The following LAMC3 variants were observed in gnomAD, a reference collection of about 807,000 sequenced individuals.
LAMC3 encodes the protein laminin subunit gamma 3, also known as laminin subunit gamma-3.
LAMC3 carries 128 observed loss-of-function variants against 173.8 expected under a neutral mutation model. That is an observed-to-expected ratio of 0.74 (90% CI 0.64 to 0.85). LAMC3 has a LOEUF of 0.85. Among genes scored for constraint, LAMC3 ranks in the 40% least tolerant of loss-of-function variants. LAMC3 has a pLI of 0.00. For synonymous variants in LAMC3, 897 were observed against 909.1 expected, an observed-to-expected ratio of 0.99 and a Z score of 0.24; for missense variants, 2,022 against 2,156.0, an observed-to-expected ratio of 0.94 and a Z score of 1.23.
chr9:131,017,285 A>G (rs2133209885), intron 1 of LAMC3, among the ~76,000 whole-genome samples: 1 of 152,308 alleles, frequency 6.6e-6, no homozygotes, highest in African/African-American at 2.4e-5. Context: ...TAGAAGCGTG[A>G]TCGGAAAAAG....
intron 6 of LAMC3, 36 bp downstream of exon 6, chr9:131,039,284 C>A: frequency 6.6e-7 from 1 of 1,525,334 alleles, no homozygotes; most frequent in Non-Finnish European, 9.0e-7. Context: ...GGACACATTG[C>A]ACTGAATGAC....
chr9:131,037,426 C>T (rs1438403173), intron 4 of LAMC3, among the ~76,000 whole-genome samples: 1 of 152,196 alleles, frequency 6.6e-6, no homozygotes, highest in African/African-American at 2.4e-5. Context: ...TGCCTTGGGC[C>T]TGGCCCTGCC....
chr9:131,071,428 T>C, intron 17 of LAMC3, 56 bp from the exon 18 acceptor site: 14 of 1,600,690 alleles, frequency 8.7e-6, no homozygotes, highest in Non-Finnish European at 1.1e-5. Flanking sequence ...CGGGAGTGTC[T>C]GGGCAGGACC....
At chr9:131,069,984 C>T in intron 17 of LAMC3, 134 bp downstream of exon 17, 1 of 908,982 alleles carries the variant, frequency 1.1e-6, no homozygotes, top group South Asian at 1.5e-5. Flanking sequence ...CTACCTTCTC[C>T]CTGTGCCCAC....
intron 3 of LAMC3, among the ~76,000 whole-genome samples, chr9:131,035,883 G>A (rs1833934331): frequency 6.6e-6 from 1 of 152,190 alleles, no homozygotes; most frequent in Admixed American, 6.5e-5. Context: ...GCACTTGCTA[G>A]CTGGTGGCTT....
In LAMC3 at chr9:131,069,009, G is replaced by A. The variant is rs1163285650; in HGVS notation, c.2849G>A (p.Cys950Tyr). ...PGVTGQACDR[C>Y]QLGFFGFSIK... is the part of the protein sequence containing the mutation. ...GTCACAGGCCAGGCCTGTGACAGGT[G>A]CCAGCTGGGTTTCTTCGGCTTCTCC... The change falls in exon 16 of 28, where the codon TGC becomes TAC. Residue 950 changes from cysteine to tyrosine, a missense_variant. Cys to Tyr is a radical substitution (Grantham distance 194). Coordinates refer to ENST00000361069, the MANE Select transcript of LAMC3 (RefSeq NM_006059.4). 8.1e-6 allele frequency: 13 copies of A among 1,613,966 alleles called. No individual in the cohort carries two copies. The highest frequency in any genetic ancestry group is 1.1e-5 in the South Asian group (1 of 91,082).
chr9:131,091,742 G>A lies in LAMC3; in HGVS notation c.4683G>A (p.Glu1561=). 2 of 1,613,352 alleles carry A rather than the reference G, an allele frequency of 1.2e-6. No homozygotes were observed. Among genetic ancestry groups the A allele is most frequent in the South Asian group, 1.1e-5 (1 of 91,016 alleles). The change falls in exon 28 of 28, where the codon GAG becomes GAA. Residue 1561 remains glutamate, a synonymous_variant. Coordinates refer to ENST00000361069, the MANE Select transcript of LAMC3 (RefSeq NM_006059.4). The stretch of plus-strand genomic sequence containing the variant: ...TCCGCGCCGACAAACAGAACCTGGA[G>A]GCCATTCTGCACAGCCTGCCCGAGA... ...AEIRADKQNL[E]AILHSLPENC... is the part of the protein sequence containing the mutation.
At chr9:131,083,050 A>G (rs1378023436) in intron 24 of LAMC3, among the ~76,000 whole-genome samples, 5 of 152,214 alleles carry the variant, frequency 3.3e-5, no homozygotes, top group Non-Finnish European at 2.9e-5. Context: ...TGTGTGCTTA[A>G]GTATCTAGAG....
chr9:131,016,266 T>G (rs967558717), intron 1 of LAMC3, among the ~76,000 whole-genome samples: 20 of 150,900 alleles, frequency 1.3e-4, no homozygotes, highest in African/African-American at 4.9e-4. Context: ...CAATGGAGAG[T>G]GACTGTTTCA....
chr9:131,016,665 A>G (rs1833524483), intron 1 of LAMC3, among the ~76,000 whole-genome samples: 1 of 152,268 alleles, frequency 6.6e-6, no homozygotes, highest in Non-Finnish European at 1.5e-5. Flanking sequence ...TCAGTGCAAC[A>G]GCTGACAAAG....
In LAMC3 at chr9:131,009,430, T is replaced by C. The variant is rs1278683529; in HGVS notation, c.216T>C (p.Ala72=). The C allele has an allele frequency of 1.9e-6, 3 of 1,544,204 alleles. No individual in the cohort carries two copies. Among genetic ancestry groups the C allele is most frequent in the Non-Finnish European group, 2.6e-6 (3 of 1,145,840 alleles). Residue 72 remains alanine, a synonymous_variant, in exon 1 of 28, where the codon GCT becomes GCC. Coordinates refer to ENST00000361069, the MANE Select transcript of LAMC3 (RefSeq NM_006059.4). The surrounding 1 kb of genome is among the most constrained non-coding windows in gnomAD (Gnocchi z 4.3). The stretch of plus-strand genomic sequence containing the variant: ...ACGTGGGCGCCGCGGGCGCGGGGGC[T>C]CATTGCCAGCGCTGCGACGCCGCCG... ...CPHVGAAGAG[A]HCQRCDAADP...
intron 27 of LAMC3, among the ~76,000 whole-genome samples, chr9:131,091,008 G>A (rs183328359): frequency 2.7e-4 from 41 of 152,298 alleles, no homozygotes; most frequent in African/African-American, 7.9e-4. Context: ...ACAACAGAGC[G>A]AGACTCCGTC....
At chr9:131,085,803 C>A in intron 25 of LAMC3, 80 bp downstream of exon 25, 2 of 1,334,968 alleles carry the variant, frequency 1.5e-6, no homozygotes, top group Non-Finnish European at 2.1e-6. Context: ...TCCCGACATC[C>A]GTGCTGACTA....
intron 1 of LAMC3, among the ~76,000 whole-genome samples, chr9:131,016,568 C>T (rs1371318513): frequency 5.3e-5 from 8 of 152,048 alleles, no homozygotes; most frequent in African/African-American, 1.7e-4. Context: ...TTCATCGAGG[C>T]GTTCTTTATA....
At chr9:131,047,708 C>CA (rs1187812950) in intron 8 of LAMC3, among the ~76,000 whole-genome samples, 4 of 150,106 alleles carry the variant, frequency 2.7e-5, no homozygotes, top group African/African-American at 9.7e-5. Flanking sequence ...GCTAAAAATA[C>CA]AAAAATTAGC....
At chr9:131,028,372 G>C (rs1833765931) in intron 2 of LAMC3, among the ~76,000 whole-genome samples, 1 of 152,188 alleles carries the variant, frequency 6.6e-6, no homozygotes, top group Admixed American at 6.5e-5. Flanking sequence ...CAAACCCAGG[G>C]AACCTGCCCT....
At chr9:131,068,336 C>A in intron 15 of LAMC3, 105 bp downstream of exon 15, 1 of 1,192,282 alleles carries the variant, frequency 8.4e-7, no homozygotes, top group Non-Finnish European at 1.2e-6. Flanking sequence ...TTGTCCTAGG[C>A]CCACTGCCAG....
chr9:131,021,877 G>C (rs1428999071), intron 1 of LAMC3, among the ~76,000 whole-genome samples: 1 of 152,214 alleles, frequency 6.6e-6, no homozygotes, highest in Non-Finnish European at 1.5e-5. Context: ...ATGAAGAGAT[G>C]AGCAGGGTGA....
In LAMC3 at chr9:131,068,213, C is replaced by T. The variant is rs761977711; in HGVS notation, c.2729C>T (p.Pro910Leu). 6.2e-7 allele frequency: 1 copy of T among 1,610,832 alleles called. No homozygotes were observed. The highest frequency in any genetic ancestry group is 8.5e-7 in the Non-Finnish European group (1 of 1,178,408). Residue 910 changes from proline (P) to leucine (L), a missense_variant, in exon 15 of 28, where the codon CCT (proline) becomes CTT (leucine). By Grantham distance (98) the Pro-to-Leu change is moderately conservative. Transcript: ENST00000361069. ...RCYPGFFDLQ[P>L]GRGCRSCKCH... is the part of the protein sequence containing the mutation. ...TACCCTGGCTTCTTCGACCTCCAGC[C>T]TGGGAGGGGCTGCCGGAGGTAGGTA...
Sources: gnomAD v4.1 joint callset for allele counts (sites outside exome capture counted in the v4.1 genomes callset) on GRCh38, gnomAD v4.1.1 for gene constraint, Gnocchi (gnomAD v3.1) non-coding constraint, MANE v1.5 for transcripts, NCBI Gene and HGNC (gene_info 2026-07-23, HGNC 2026-07-21) for gene names.